The following SGCZ variants were observed in gnomAD, a reference collection of about 807,000 sequenced individuals.
The protein encoded by SGCZ is zeta-sarcoglycan.
In SGCZ, 40 loss-of-function variants were observed where a neutral mutation model predicts 41.3. The observed-to-expected ratio is 0.97, with a 90% confidence interval of 0.75 to 1.26. SGCZ has a LOEUF of 1.26. Ranked by LOEUF, SGCZ falls within the 50% of genes most tolerant of loss-of-function variation. The probability of loss-of-function intolerance (pLI) is 0.00; values close to 1 mark genes in which losing one functional copy is unlikely to be tolerated. For missense variants in SGCZ, 552 were observed against 369.8 expected, an observed-to-expected ratio of 1.49 and a Z score of -4.04; for synonymous variants, 206 against 137.5, an observed-to-expected ratio of 1.50 and a Z score of -3.49.
intron 1 of SGCZ, among the ~76,000 whole-genome samples, chr8:14,975,625 G>C (rs1001904248): frequency 6.6e-6 from 1 of 152,026 alleles, no homozygotes; most frequent in Non-Finnish European, 1.5e-5. Flanking sequence ...TGTGTAGTAT[G>C]CTTTGTAACC....
intron 1 of SGCZ, among the ~76,000 whole-genome samples, chr8:15,209,329 G>C (rs1801166687): frequency 6.6e-6 from 1 of 152,004 alleles, no homozygotes; most frequent in African/African-American, 2.4e-5. Context: ...AGACTTCTGA[G>C]ACTATTTGAA....
chr8:15,050,929 T>C (rs1197857938), intron 1 of SGCZ, among the ~76,000 whole-genome samples: 1 of 152,200 alleles, frequency 6.6e-6, no homozygotes, highest in Non-Finnish European at 1.5e-5. Flanking sequence ...CCTCATTATA[T>C]GGGAAATACT....
chr8:14,298,876 C>A (rs1179553993), intron 3 of SGCZ, among the ~76,000 whole-genome samples: 1 of 151,838 alleles, frequency 6.6e-6, no homozygotes, highest in Non-Finnish European at 1.5e-5. Context: ...GAACCTAGAA[C>A]AGTTCAAACA....
intron 1 of SGCZ, among the ~76,000 whole-genome samples, chr8:14,790,111 CCATTGAATGCATGTATGTGTT>C (rs1161824464): frequency 5.3e-5 from 8 of 151,936 alleles, no homozygotes; most frequent in Non-Finnish European, 7.4e-5. Context: ...AGCATTCTGC[CCATTGAATGCATGTATGTGTT>C]CATTAGAAAT....
chr8:14,925,018 C>T (rs563495721), intron 1 of SGCZ, among the ~76,000 whole-genome samples: 5 of 151,980 alleles, frequency 3.3e-5, no homozygotes, highest in South Asian at 4.2e-4. Flanking sequence ...CCTCAATGCC[C>T]GGCTAATTTT....
intron 4 of SGCZ, among the ~76,000 whole-genome samples, chr8:14,197,299 C>A (rs188057432): frequency 9.9e-5 from 15 of 152,156 alleles, no homozygotes; most frequent in African/African-American, 3.4e-4. Context: ...TATTGTGACA[C>A]GAATGTTACT....
chr8:14,574,647 A>G (rs1333075235), intron 1 of SGCZ, among the ~76,000 whole-genome samples: 1 of 152,154 alleles, frequency 6.6e-6, no homozygotes, highest in East Asian at 1.9e-4. Flanking sequence ...AAATCAGAAT[A>G]CTTACACTGT....
intron 1 of SGCZ, among the ~76,000 whole-genome samples, chr8:15,023,863 ACTT>A (rs1241419701): frequency 6.6e-6 from 1 of 152,166 alleles, no homozygotes; most frequent in Non-Finnish European, 1.5e-5. Flanking sequence ...AACCTGACTG[ACTT>A]CTTCTGTTTA....
intron 2 of SGCZ, among the ~76,000 whole-genome samples, chr8:14,479,746 T>TC (rs1801477298): frequency 1.3e-5 from 1 of 76,132 alleles, no homozygotes; most frequent in Non-Finnish European, 2.9e-5. Context: ...TTTTTTTTTT[T>TC]TTTTTTTTTT....
At chr8:15,107,026 T>C (rs1450736584) in intron 1 of SGCZ, among the ~76,000 whole-genome samples, 1 of 152,218 alleles carries the variant, frequency 6.6e-6, no homozygotes, top group African/African-American at 2.4e-5. Flanking sequence ...CTACTGCTGA[T>C]CTAAATCTGC....
At position 14,161,299 on chromosome 8, in the gene SGCZ, G is replaced by A. The variant is rs1804038632; in HGVS notation, c.547+3281C>T. 3 of 151,980 alleles carry A rather than the reference G, an allele frequency of 2.0e-5. No homozygotes were observed. In the South Asian group the frequency reaches 6.2e-4, roughly 32 times the overall value. 9.4% of individuals were successfully genotyped at this position (151,980 alleles called of 1,614,324 possible). A position where few individuals can be genotyped will look rare whatever the true frequency, so the allele number is the denominator to read the frequency against. ...ATATTTTTATTTTTCTTTCTTTAAG[G>A]AATATCACGGGAAAGCATGAAGCTG... is the stretch of plus-strand genomic sequence containing the variant. On this transcript the variant is annotated intron_variant, in intron 5 of 7. Coordinates refer to ENST00000382080, the MANE Select transcript of SGCZ (RefSeq NM_139167.4).
intron 3 of SGCZ, among the ~76,000 whole-genome samples, chr8:14,249,573 T>G (rs1324009193): frequency 6.6e-6 from 1 of 152,202 alleles, no homozygotes; most frequent in Admixed American, 6.5e-5. Context: ...CACTATGATT[T>G]CGCATACTTT....
At chr8:15,102,951 G>T (rs1806670561) in intron 1 of SGCZ, among the ~76,000 whole-genome samples, 1 of 151,908 alleles carries the variant, frequency 6.6e-6, no homozygotes, top group African/African-American at 2.4e-5. Context: ...CTTACACTAA[G>T]GAATTTACTA....
At chr8:14,810,875 T>G (rs536530657) in intron 1 of SGCZ, among the ~76,000 whole-genome samples, 1 of 152,180 alleles carries the variant, frequency 6.6e-6, no homozygotes, top group East Asian at 1.9e-4. Context: ...TTAAAAGTAT[T>G]TTGTGCATAA....
In SGCZ at chr8:14,395,158, T is replaced by C. The variant is rs375516715; in HGVS notation, c.235-70954A>G. On this transcript the variant is annotated intron_variant, in intron 2 of 7. Coordinates refer to ENST00000382080, the MANE Select transcript of SGCZ (RefSeq NM_139167.4). ...TCTGTTCTTAGCTTTTCTCTCATCA[T>C]CTAGATAATATCTCTGACTTCTTTT... Among the ~76,000 whole-genome samples the C allele has an allele frequency of 9.5e-4, 145 of 152,340 alleles. 5 individuals are homozygous for C. In the South Asian group the frequency reaches 0.03, roughly 32 times the overall value.
At chr8:14,829,417 G>A (rs965448555) in intron 1 of SGCZ, among the ~76,000 whole-genome samples, 1 of 152,124 alleles carries the variant, frequency 6.6e-6, no homozygotes, top group Non-Finnish European at 1.5e-5. Flanking sequence ...GAAATATAAA[G>A]TGTATATTAT....
chr8:14,438,420 ACTT>A (rs1800152845), intron 2 of SGCZ, among the ~76,000 whole-genome samples: 1 of 151,974 alleles, frequency 6.6e-6, no homozygotes, highest in Non-Finnish European at 1.5e-5. Flanking sequence ...AAATTATGAT[ACTT>A]ATTATTAATT....
chr8:14,215,609 G>GA (rs1203445987), intron 4 of SGCZ, among the ~76,000 whole-genome samples: 1 of 151,896 alleles, frequency 6.6e-6, no homozygotes, highest in African/African-American at 2.4e-5. Context: ...TTACAAAGAT[G>GA]AAAAAAGAGA....
intron 2 of SGCZ, among the ~76,000 whole-genome samples, chr8:14,446,914 A>G (rs1800449539): frequency 1.3e-5 from 2 of 152,202 alleles, no homozygotes; most frequent in South Asian, 4.1e-4. Context: ...CATTACACCA[A>G]CGAAATATAA....
Sources: allele counts gnomAD v4.1 joint callset (sites outside exome capture counted in the v4.1 genomes callset), GRCh38; gene constraint gnomAD v4.1.1; transcripts MANE v1.5; gene names NCBI Gene and HGNC (gene_info 2026-07-23, HGNC 2026-07-21).